CDK13: variants seen among roughly 807,000 people sequenced by gnomAD.
CDK13 encodes cyclin dependent kinase 13.
Under a neutral mutation model 137.6 loss-of-function variants are expected in CDK13, and 40 were observed. The observed-to-expected ratio is 0.29, with a 90% CI of 0.23 to 0.38. The LOEUF (loss-of-function observed/expected upper bound fraction) is 0.38, where lower values mean the gene tolerates loss of function less well. Ranked by LOEUF, CDK13 falls within the 10% of genes least tolerant of loss-of-function variation. The pLI, the probability that CDK13 is intolerant of heterozygous loss-of-function variation, is 1.00. For missense variants in CDK13, 1,704 were observed against 1,951.8 expected, an observed-to-expected ratio of 0.87 and a Z score of 2.39; for synonymous variants, 869 against 760.1, an observed-to-expected ratio of 1.14 and a Z score of -2.36.
intron 12 of CDK13, among the ~76,000 whole-genome samples, chr7:40,088,974 G>T (rs1029509337): frequency 4.6e-5 from 7 of 152,012 alleles, no homozygotes; most frequent in African/African-American, 1.4e-4. Flanking sequence ...CAGCTACTCG[G>T]ATGCTGAGGA....
intron 1 of CDK13, among the ~76,000 whole-genome samples, chr7:39,973,526 A>G (rs1348233080): frequency 6.6e-6 from 1 of 152,234 alleles, no homozygotes; most frequent in East Asian, 1.9e-4. Context: ...GTCCTTTATC[A>G]GATACATGAT....
intron 1 of CDK13, among the ~76,000 whole-genome samples, chr7:39,980,955 T>G (rs894601225): frequency 6.6e-6 from 1 of 152,238 alleles, no homozygotes; most frequent in African/African-American, 2.4e-5. Flanking sequence ...GAAAACCTGT[T>G]AGAAACATAG....
chr7:39,969,810 T>G (rs1203504032), intron 1 of CDK13, among the ~76,000 whole-genome samples: 1 of 152,186 alleles, frequency 6.6e-6, no homozygotes, highest in Non-Finnish European at 1.5e-5. Flanking sequence ...TCCTATTTTT[T>G]GCTAAGTGTC....
intron 7 of CDK13, 51 bp from the exon 8 acceptor site, chr7:40,062,771 ATCTG>A: frequency 8.2e-7 from 1 of 1,214,160 alleles, no homozygotes; most frequent in East Asian, 2.3e-5. Context: ...TCCTCAGAGA[ATCTG>A]TCTTACTCCA....
chr7:40,018,566 A>T (rs542607703), intron 5 of CDK13, among the ~76,000 whole-genome samples: 1 of 152,316 alleles, frequency 6.6e-6, no homozygotes, highest in Admixed American at 6.5e-5. Flanking sequence ...ACCATGGAAT[A>T]CTACTCAGCC....
intron 1 of CDK13, among the ~76,000 whole-genome samples, chr7:39,953,111 C>T (rs1427750884): frequency 2.0e-5 from 3 of 152,118 alleles, no homozygotes; most frequent in African/African-American, 2.4e-5. Context: ...ATTAGCAGAC[C>T]TTTTTGAAGT....
intron 5 of CDK13, among the ~76,000 whole-genome samples, chr7:40,033,133 T>A (rs1258826146): frequency 1.3e-5 from 2 of 152,182 alleles, no homozygotes; most frequent in Non-Finnish European, 2.9e-5. Context: ...TTTCTGTATT[T>A]TTAGTAGAGA....
At chr7:40,040,659 A>G (rs1785585406) in intron 5 of CDK13, among the ~76,000 whole-genome samples, 1 of 152,090 alleles carries the variant, frequency 6.6e-6, no homozygotes, top group Non-Finnish European at 1.5e-5. Flanking sequence ...TCTGTCTTGT[A>G]AGAGTGTTTA....
chr7:40,003,328 C>T (rs1784734394), intron 5 of CDK13, among the ~76,000 whole-genome samples: 1 of 152,116 alleles, frequency 6.6e-6, no homozygotes, highest in Admixed American at 6.6e-5. Flanking sequence ...TCAGAATCAT[C>T]ATTTTAATTG....
chr7:40,010,281 A>G (rs542516074), intron 5 of CDK13, among the ~76,000 whole-genome samples: 3 of 152,248 alleles, frequency 2.0e-5, no homozygotes, highest in Non-Finnish European at 4.4e-5. Context: ...GATCCCTCAC[A>G]TGCACAGTTC....
At position 40,094,137 on chromosome 7, in the gene CDK13, T is replaced by C; in HGVS notation, c.3696T>C (p.Asp1232=). ...PEPSTPVSGQ[D]DLIQHQDMRI... ...TTGCTCTGTTTCACTTAGGACAAGA[T>C]GACCTCATCCAGCATCAAGATATGA... The change falls in exon 14 of 14, where the codon GAT becomes GAC. Residue 1232 remains aspartate, a synonymous_variant. Transcript: ENST00000181839. The C allele has an allele frequency of 1.9e-6, 3 of 1,613,620 alleles. No homozygotes were observed. The highest frequency in any genetic ancestry group is 2.5e-6 in the Non-Finnish European group (3 of 1,179,894).
At chr7:40,083,137 T>C (rs1017248655) in intron 11 of CDK13, among the ~76,000 whole-genome samples, 2 of 150,832 alleles carry the variant, frequency 1.3e-5, no homozygotes, top group Non-Finnish European at 3.0e-5. Flanking sequence ...CTAATGACCT[T>C]CTAGGTGTTA....
intron 1 of CDK13, among the ~76,000 whole-genome samples, chr7:39,972,303 G>A (rs540510489): frequency 2.0e-5 from 3 of 152,168 alleles, no homozygotes; most frequent in Non-Finnish European, 4.4e-5. Flanking sequence ...ATCTTTTCTA[G>A]TTTTAAAAAT....
Position 39,974,356 on chromosome 7 carries a change from G to A in CDK13, c.1212-13243G>A, listed in dbSNP as rs940398118. On this transcript the variant is annotated intron_variant, in intron 1 of 13. Transcript: ENST00000181839. ...GTTGGGATCATAGGCATGAGCCAGC[G>A]CGCCTGGCCAGGGAGTATTACCTTT... Among the ~76,000 whole-genome samples the A allele has an allele frequency of 2.0e-5, 3 of 152,042 alleles. No homozygotes were observed. In the South Asian group the frequency reaches 6.2e-4, roughly 31 times the overall value.
At chr7:40,023,038 G>C (rs978436613) in intron 5 of CDK13, among the ~76,000 whole-genome samples, 1 of 149,494 alleles carries the variant, frequency 6.7e-6, no homozygotes, top group East Asian at 1.9e-4. Flanking sequence ...ATCTTCCTTA[G>C]TTATTTCTGT....
intron 9 of CDK13, among the ~76,000 whole-genome samples, chr7:40,074,789 C>G (rs1391779175): frequency 1.3e-5 from 2 of 150,964 alleles, no homozygotes; most frequent in Non-Finnish European, 2.9e-5. Context: ...TCACTGACCT[C>G]CAGCCTGGGG....
Position 40,095,795 on chromosome 7 carries a change from A to G in CDK13, c.*815A>G, listed in dbSNP as rs1787034348. ...CTGAAGTTTCAGGGGCTGCCTGTTC[A>G]GTTCCTGTTAGGTCCATTCCCTCTG... On this transcript the variant is annotated 3_prime_UTR_variant, in exon 14 of 14. Transcript: ENST00000181839. The G allele has an allele frequency of 6.6e-6, 1 of 152,176 alleles. No individual in the cohort carries two copies. The highest frequency in any genetic ancestry group is 1.5e-5 in the Non-Finnish European group (1 of 68,044). 9.4% of individuals were successfully genotyped at this position (152,176 alleles called of 1,614,324 possible).
intron 7 of CDK13, among the ~76,000 whole-genome samples, chr7:40,058,586 G>C (rs991602302): frequency 9.0e-6 from 1 of 111,248 alleles, no homozygotes; most frequent in African/African-American, 3.2e-5. Context: ...GGGCGGGGGG[G>C]TGCAATTAGA....
intron 1 of CDK13, chr7:39,952,177 T>G (rs1303258401): frequency 4.0e-6 from 1 of 250,616 alleles, no homozygotes; most frequent in Admixed American, 5.5e-5. Flanking sequence ...TCTGGTACAA[T>G]TTGGGTAAAC....
Sources: allele counts gnomAD v4.1 joint callset (sites outside exome capture counted in the v4.1 genomes callset), GRCh38; gene constraint gnomAD v4.1.1; transcripts MANE v1.5; gene names NCBI Gene and HGNC (gene_info 2026-07-23, HGNC 2026-07-21).